Variants in YLPM1 observed in about 807,000 individuals in gnomAD.
The protein encoded by YLPM1 is YLP motif-containing protein 1.
Under a neutral mutation model 230.0 loss-of-function variants are expected in YLPM1, and 99 were observed. That is an observed-to-expected ratio of 0.43 (90% CI 0.37 to 0.51). The LOEUF (loss-of-function observed/expected upper bound fraction) is 0.51, where lower values mean the gene tolerates loss of function less well. YLPM1 is among the 20% of genes least tolerant of loss of function. YLPM1 has a pLI of 0.00. For synonymous variants in YLPM1, 984 were observed against 942.5 expected (o/e 1.04, Z -0.81); for missense variants, 2,592 against 2,707.7 (o/e 0.96, Z 0.95).
chr14:74,798,704 C>T lies in YLPM1; in HGVS notation c.3407C>T (p.Pro1136Leu), dbSNP rs1236349819. ...RRAGSRERIP[P>L]RRAGSRERGP... is the part of the protein sequence containing the mutation. ...GCTGGGAGTAGAGAGAGAATACCAC[C>T]CCGAAGAGCTGGGAGCAGGGAGAGA... Residue 1136 changes from proline to leucine, a missense_variant, in exon 5 of 21, where the codon CCC (proline) becomes CTC (leucine). This residue lies in a region of YLPM1 where 1,862 missense variants were observed against 1,819.8 expected (regional missense o/e 1.02). Transcript: ENST00000325680. 3 of 1,611,522 alleles carry T rather than the reference C, an allele frequency of 1.9e-6. No individual in the cohort carries two copies. The African/African-American group carries it at 4.0e-5, about 22-fold the overall frequency.
At chr14:74,829,731 GC>G (rs2091593546) in intron 19 of YLPM1, among the ~76,000 whole-genome samples, 1 of 152,124 alleles carries the variant, frequency 6.6e-6, no homozygotes, top group Non-Finnish European at 1.5e-5. Flanking sequence ...TGGTACTCTG[GC>G]CATGAGCACT....
rs368364744 is a variant in YLPM1, at chr14:74,798,051, C to T, written c.2754C>T (p.Pro918=). 16 of 1,613,700 alleles carry T rather than the reference C, an allele frequency of 9.9e-6. No individual in the cohort carries two copies. Among genetic ancestry groups the T allele is most frequent in the Admixed American group, 6.7e-5 (4 of 59,996 alleles). Residue 918 remains proline, a synonymous_variant, in exon 5 of 21, where the codon CCC becomes CCT. Transcript: ENST00000325680. ...EPPKSEVSEG[P]VEPSNWDQNV... is the part of the protein sequence containing the mutation. Reference sequence around the variant, plus strand: ...CTAAAAGTGAAGTCTCGGAAGGGCCCGTAGAGCCCTCTAATTGGGACCAGA... The same window carrying T: ...CTAAAAGTGAAGTCTCGGAAGGGCCTGTAGAGCCCTCTAATTGGGACCAGA...
At chr14:74,773,844 C>A (rs563985373) in intron 1 of YLPM1, among the ~76,000 whole-genome samples, 1 of 151,036 alleles carries the variant, frequency 6.6e-6, no homozygotes, top group Non-Finnish European at 1.5e-5. Context: ...CCTCACCCTC[C>A]GGAGTAGCTG....
At position 74,821,059 on chromosome 14, in the gene YLPM1, A is replaced by C; in HGVS notation, c.6033A>C (p.Val2011=). 1 of 1,513,924 alleles carries C rather than the reference A, an allele frequency of 6.6e-7. No individual in the cohort carries two copies. Among genetic ancestry groups the C allele is most frequent in the African/African-American group, 1.4e-5 (1 of 70,596 alleles). The allele number at this position is 1,513,924 out of a possible 1,614,324, so 93.8% of individuals were successfully genotyped here. The change falls in exon 17 of 21, where the codon GTA becomes GTC. Residue 2011 remains valine (V), a splice_region_variant and synonymous_variant. Transcript: ENST00000325680. ...SLLQDAAIEE[V]EMEDFDANIE... is the part of the protein sequence containing the mutation. The stretch of plus-strand genomic sequence containing the variant: ...TTTTTTTTTAATGGTTGGTATAGGT[A>C]GAGATGGAAGATTTTGATGCAAATA...
At chr14:74,779,538 G>A (rs1339919280) in intron 2 of YLPM1, among the ~76,000 whole-genome samples, 1 of 152,008 alleles carries the variant, frequency 6.6e-6, no homozygotes, top group Admixed American at 6.6e-5. Flanking sequence ...TATATGAAGG[G>A]TTTAATCAAA....
intron 1 of YLPM1, among the ~76,000 whole-genome samples, chr14:74,765,608 CT>C (rs2140064218): frequency 6.6e-6 from 1 of 152,282 alleles, no homozygotes; most frequent in South Asian, 2.1e-4. Flanking sequence ...ACTCTGAAGT[CT>C]TTAGTGCTTT....
In YLPM1 at chr14:74,798,158, C is replaced by G. The variant is rs891578035; in HGVS notation, c.2861C>G (p.Ala954Gly). Residue 954 changes from alanine to glycine, a missense_variant, in exon 5 of 21, where the codon GCT becomes GGT. Physicochemically the swap from Ala to Gly is moderately conservative, Grantham distance 60. This residue lies in a region of YLPM1 where 1,862 missense variants were observed against 1,819.8 expected (regional missense o/e 1.02). Transcript: ENST00000325680. The stretch of plus-strand genomic sequence containing the variant: ...CCCCTTGCGAATAAGCCTGTACCTG[C>G]TCAATCTACTTTTCCTTCAAAAACA... ...PVPLANKPVP[A>G]QSTFPSKTGG... is the part of the protein sequence containing the mutation. 2.5e-6 allele frequency: 4 copies of G among 1,613,852 alleles called. No individual in the cohort carries two copies. In the African/African-American group the frequency reaches 5.3e-5, roughly 22 times the overall value.
rs202103659 is a variant in YLPM1, at chr14:74,821,177, T to C, written c.6111+40T>C. ...AACCACTTTGAACAGTGTCTCTTTA[T>C]TAAAATTCTTAAAGAAGGTTTAAAT... On this transcript the variant is annotated intron_variant, in intron 17 of 20. Transcript: ENST00000325680. 2.0e-6 allele frequency: 3 copies of C among 1,515,416 alleles called. No individual in the cohort carries two copies. In the Admixed American group the frequency reaches 6.9e-5, roughly 35 times the overall value. 93.9% of individuals were successfully genotyped at this position (1,515,416 alleles called of 1,614,324 possible).
At chr14:74,806,102 A>G (rs949262837) in intron 6 of YLPM1, among the ~76,000 whole-genome samples, 8 of 150,570 alleles carry the variant, frequency 5.3e-5, no homozygotes, top group South Asian at 2.1e-4. Context: ...CATGCCTGCA[A>G]TGCCAGCACT....
Position 74,782,232 on chromosome 14 carries a change from C to G in YLPM1, c.2189C>G (p.Pro730Arg). The change falls in exon 4 of 21, where the codon CCA becomes CGA. Residue 730 changes from proline (P) to arginine (R), a missense_variant. Physicochemically the swap from Pro to Arg is moderately radical, Grantham distance 103. Transcript: ENST00000325680. ...GAGTCTTCAGCTGCTCCATCTCAGC[C>G]AATCACTGCAGTGAAGGACATGCCA... is the stretch of plus-strand genomic sequence containing the variant. ...LGESSAAPSQ[P>R]ITAVKDMPVR... The G allele has an allele frequency of 6.2e-7, 1 of 1,600,210 alleles. No individual in the cohort carries two copies. Among genetic ancestry groups the G allele is most frequent in the Non-Finnish European group, 8.5e-7 (1 of 1,178,926 alleles).
intron 1 of YLPM1, among the ~76,000 whole-genome samples, chr14:74,772,183 A>G (rs570396605): frequency 1.1e-4 from 16 of 151,872 alleles, no homozygotes; most frequent in African/African-American, 3.9e-4. Flanking sequence ...GTGGTCAGTA[A>G]GTGCTTCCTG....
chr14:74,804,531 C>G (rs548667197), intron 6 of YLPM1, among the ~76,000 whole-genome samples: 101 of 152,316 alleles, frequency 6.6e-4, no homozygotes, highest in African/African-American at 2.4e-3. Context: ...GCATGTTGTT[C>G]TCTAAGCCTA....
At chr14:74,788,912 T>C (rs2091175575) in intron 4 of YLPM1, among the ~76,000 whole-genome samples, 1 of 152,204 alleles carries the variant, frequency 6.6e-6, no homozygotes, top group Admixed American at 6.5e-5. Context: ...TCTTTAACCT[T>C]TTATTTTTAA....
chr14:74,766,007 T>C (rs765977889), intron 1 of YLPM1, among the ~76,000 whole-genome samples: 6 of 152,202 alleles, frequency 3.9e-5, no homozygotes, highest in Non-Finnish European at 8.8e-5. Context: ...CTTAGAGTTG[T>C]ATTGCTTTCA....
At chr14:74,814,317 C>T (rs1004030916) in intron 11 of YLPM1, among the ~76,000 whole-genome samples, 2 of 152,096 alleles carry the variant, frequency 1.3e-5, no homozygotes, top group Admixed American at 6.5e-5. Context: ...GCCAAGATCG[C>T]GCCACTGCAC....
intron 6 of YLPM1, among the ~76,000 whole-genome samples, chr14:74,805,867 T>C (rs562597660): frequency 1.6e-4 from 13 of 82,784 alleles, no homozygotes; most frequent in Non-Finnish European, 3.8e-4. Context: ...CATTCCTGGC[T>C]CATTTTTTTT....
chr14:74,801,915 C>A (rs1329767252), intron 5 of YLPM1, among the ~76,000 whole-genome samples: 1 of 152,128 alleles, frequency 6.6e-6, no homozygotes, highest in Non-Finnish European at 1.5e-5. Flanking sequence ...AACCTCTGGT[C>A]TAAAGAGTTG....
chr14:74,801,426 G>A (rs1222124299), intron 5 of YLPM1, among the ~76,000 whole-genome samples: 1 of 152,148 alleles, frequency 6.6e-6, no homozygotes, highest in Non-Finnish European at 1.5e-5. Context: ...TTAAGAAATT[G>A]TAGTGGATTT....
chr14:74,824,181 T>C lies in YLPM1; in HGVS notation c.6112-75T>C. 4.1e-6 allele frequency: 6 copies of C among 1,448,758 alleles called. No homozygotes were observed. In the Middle Eastern group the frequency reaches 5.3e-4, roughly 127 times the overall value. 89.7% of individuals were successfully genotyped at this position (1,448,758 alleles called of 1,614,324 possible). ...CTGAATCCATTCCCAGTTTTAATGC[T>C]TTTCCAGTTCAAACGTGATATGCAT... On this transcript the variant is annotated intron_variant, in intron 17 of 20. Coordinates refer to ENST00000325680, the MANE Select transcript of YLPM1 (RefSeq NM_019589.3).
Sources: allele counts gnomAD v4.1 joint callset (sites outside exome capture counted in the v4.1 genomes callset), GRCh38; gene constraint gnomAD v4.1.1; regional missense constraint gnomAD v4.1.1; transcripts MANE v1.5; gene names NCBI Gene and HGNC (gene_info 2026-07-23, HGNC 2026-07-21).